The following DCDC1 variants were observed in gnomAD, a reference collection of about 807,000 sequenced individuals.
The protein encoded by DCDC1 is doublecortin domain-containing protein 1.
Under a neutral mutation model 178.3 loss-of-function variants are expected in DCDC1, and 200 were observed. The ratio of observed to expected loss-of-function variants is 1.12; its 90% CI spans 1.00 to 1.26. The LOEUF is 1.26. Among genes scored for constraint, DCDC1 ranks in the 50% most tolerant of loss-of-function variants. The pLI is 0.00. For missense variants in DCDC1, 1,983 were observed against 1,749.2 expected (o/e 1.13, Z -2.38); for synonymous variants, 690 against 604.8 (o/e 1.14, Z -2.07).
chr11:31,197,071 C>T (rs1003153641), intron 9 of DCDC1, among the ~76,000 whole-genome samples: 23 of 152,190 alleles, frequency 1.5e-4, no homozygotes, highest in African/African-American at 5.3e-4. Flanking sequence ...AGCTCTATGT[C>T]AGGAACAGGG....
At chr11:31,175,461 C>G (rs185294366) in intron 9 of DCDC1, among the ~76,000 whole-genome samples, 134 of 152,236 alleles carry the variant, frequency 8.8e-4, no homozygotes, top group Non-Finnish European at 1.5e-3. Context: ...GTTGCCTCAC[C>G]CACACACACA....
chr11:31,088,424 T>A (rs1957604704), intron 17 of DCDC1, among the ~76,000 whole-genome samples: 1 of 152,082 alleles, frequency 6.6e-6, no homozygotes, highest in African/African-American at 2.4e-5. Flanking sequence ...TTTTTAATAT[T>A]TCATTTTATT....
intron 1 of DCDC1, among the ~76,000 whole-genome samples, chr11:31,337,699 G>A (rs1350408512): frequency 1.3e-5 from 2 of 152,034 alleles, no homozygotes; most frequent in Non-Finnish European, 2.9e-5. Context: ...TAGCCTAGCT[G>A]TCAAAGATCA....
intron 20 of DCDC1, among the ~76,000 whole-genome samples, chr11:31,048,464 C>T (rs1458872772): frequency 1.3e-5 from 2 of 152,166 alleles, no homozygotes; most frequent in African/African-American, 2.4e-5. Flanking sequence ...TCTGCTCAGT[C>T]GAACCCCTTG....
At chr11:30,994,641 T>TTATAATATATAACATATTATTATATAATA (rs1951155204) in intron 20 of DCDC1, among the ~76,000 whole-genome samples, 6 of 145,548 alleles carry the variant, frequency 4.1e-5, no homozygotes, top group Non-Finnish European at 7.5e-5. Flanking sequence ...TATATATTTA[T>TTATAATATATAACATATTATTATATAATA]TATAATATAT....
At chr11:31,069,522 G>C (rs1956434641) in intron 18 of DCDC1, among the ~76,000 whole-genome samples, 6 of 152,080 alleles carry the variant, frequency 3.9e-5, no homozygotes, top group Admixed American at 3.3e-4. Context: ...AGCAACAAAA[G>C]ACCACTGTGT....
In DCDC1 at chr11:31,306,217, T is replaced by C; in HGVS notation, c.591+15A>G. ...AAAAAAAATAAAGCACAGAAAACTT[T>C]GGAACACTAGTTACCAAGGTGATGG... On this transcript the variant is annotated intron_variant, in intron 5 of 38. Transcript: ENST00000684477. 6.8e-7 allele frequency: 1 copy of C among 1,480,518 alleles called. No individual in the cohort carries two copies. Among genetic ancestry groups the C allele is most frequent in the African/African-American group, 1.4e-5 (1 of 69,582 alleles). The allele number at this position is 1,480,518 out of a possible 1,614,324, so 91.7% of individuals were successfully genotyped here. A position where few individuals can be genotyped will look rare whatever the true frequency, so the allele number is the denominator to read the frequency against.
chr11:31,177,824 A>C (rs1419529023), intron 9 of DCDC1, among the ~76,000 whole-genome samples: 1 of 152,218 alleles, frequency 6.6e-6, no homozygotes, highest in Non-Finnish European at 1.5e-5. Flanking sequence ...AAGAAGATAT[A>C]ACAATTATAA....
At chr11:31,332,605 G>A (rs962786826) in intron 2 of DCDC1, among the ~76,000 whole-genome samples, 3 of 152,078 alleles carry the variant, frequency 2.0e-5, no homozygotes, top group African/African-American at 7.2e-5. Flanking sequence ...TTTCAAAGAA[G>A]ATCTTTATTT....
chr11:30,930,088 G>T (rs1339088226), intron 22 of DCDC1, among the ~76,000 whole-genome samples: 1 of 152,044 alleles, frequency 6.6e-6, no homozygotes, highest in Non-Finnish European at 1.5e-5. Flanking sequence ...ACACTAAACA[G>T]CCCAACACTC....
chr11:31,342,734 T>C (rs1950610529), intron 1 of DCDC1, among the ~76,000 whole-genome samples: 1 of 152,082 alleles, frequency 6.6e-6, no homozygotes, highest in Non-Finnish European at 1.5e-5. Context: ...AAGGCAAAAG[T>C]ATATGATTAA....
intron 7 of DCDC1, among the ~76,000 whole-genome samples, chr11:31,269,324 A>C (rs1480014082): frequency 6.6e-6 from 1 of 152,122 alleles, no homozygotes; most frequent in African/African-American, 2.4e-5. Context: ...CATTTCCACT[A>C]ATCTGTACCT....
intron 21 of DCDC1, among the ~76,000 whole-genome samples, chr11:30,945,448 C>T (rs1947954598): frequency 6.6e-6 from 1 of 151,840 alleles, no homozygotes. Flanking sequence ...AATCCTAGCA[C>T]TTTGGGAAGC....
chr11:30,931,750 G>C (rs1222188903), intron 22 of DCDC1, 21 bp downstream of exon 22: 1 of 1,598,648 alleles, frequency 6.3e-7, no homozygotes, highest in South Asian at 1.1e-5. Flanking sequence ...TATTTAATAA[G>C]TATGAACAAG....
At chr11:31,117,452 G>A (rs1960134172) in intron 11 of DCDC1, among the ~76,000 whole-genome samples, 1 of 151,956 alleles carries the variant, frequency 6.6e-6, no homozygotes, top group African/African-American at 2.4e-5. Flanking sequence ...CTAAGAGCAA[G>A]TTTTGAGCAA....
chr11:31,192,893 T>C (rs1435986907), intron 9 of DCDC1, among the ~76,000 whole-genome samples: 1 of 152,100 alleles, frequency 6.6e-6, no homozygotes, highest in East Asian at 1.9e-4. Context: ...TAAGTGATCA[T>C]CATACAATTC....
chr11:31,307,426 T>C (rs1948527936), intron 4 of DCDC1: 1 of 553,450 alleles, frequency 1.8e-6, no homozygotes, highest in Non-Finnish European at 3.1e-6. Flanking sequence ...GAGTTTCTGA[T>C]TGCCCGGGTT....
intron 7 of DCDC1, among the ~76,000 whole-genome samples, chr11:31,275,678 A>T (rs1945933858): frequency 6.6e-6 from 1 of 151,902 alleles, no homozygotes; most frequent in Non-Finnish European, 1.5e-5. Context: ...CTAATTTTGT[A>T]TTTTTAGTAG....
intron 20 of DCDC1, among the ~76,000 whole-genome samples, chr11:31,050,455 A>G (rs1955168262): frequency 6.6e-6 from 1 of 152,100 alleles, no homozygotes. Flanking sequence ...TTAATCTTGG[A>G]AGTTCTAGGG....
Sources: gnomAD v4.1 joint callset for allele counts (sites outside exome capture counted in the v4.1 genomes callset) on GRCh38, gnomAD v4.1.1 for gene constraint, MANE v1.5 for transcripts, NCBI Gene and HGNC (gene_info 2026-07-23, HGNC 2026-07-21) for gene names.